Variants in SNX29 observed in about 807,000 individuals in gnomAD.
SNX29 encodes sorting nexin-29.
In SNX29, 78 loss-of-function variants were observed where a neutral mutation model predicts 102.1. That is an observed-to-expected ratio of 0.76 (90% CI 0.64 to 0.92). The LOEUF (loss-of-function observed/expected upper bound fraction) is 0.92, where lower values mean the gene tolerates loss of function less well. Among genes scored for constraint, SNX29 ranks in the 40% least tolerant of loss-of-function variants. The pLI is 0.00. For missense variants in SNX29, 1,280 were observed against 1,061.7 expected, an observed-to-expected ratio of 1.21 and a Z score of -2.86; for synonymous variants, 580 against 414.5, an observed-to-expected ratio of 1.40 and a Z score of -4.85.
chr16:12,388,340 A>G (rs765268071), intron 16 of SNX29, among the ~76,000 whole-genome samples: 8 of 152,224 alleles, frequency 5.3e-5, no homozygotes, highest in Non-Finnish European at 5.9e-5. Context: ...ATGAGTGGGT[A>G]CAAATAAATG....
intron 11 of SNX29, among the ~76,000 whole-genome samples, chr16:12,113,390 G>T (rs1406793045): frequency 1.3e-5 from 2 of 152,262 alleles, no homozygotes; most frequent in East Asian, 3.9e-4. Context: ...CATGGCTCCT[G>T]TGTTCTGTCT....
intron 14 of SNX29, among the ~76,000 whole-genome samples, chr16:12,234,866 G>A (rs114255568): frequency 0.019 from 2,852 of 152,222 alleles, 105 homozygotes; most frequent in African/African-American, 0.065. Flanking sequence ...TGGATGATGG[G>A]ATGATGACTT....
At chr16:12,161,881 C>T (rs2055799283) in intron 13 of SNX29, among the ~76,000 whole-genome samples, 3 of 152,188 alleles carry the variant, frequency 2.0e-5, no homozygotes, top group Non-Finnish European at 2.9e-5. Context: ...CTTACACAGT[C>T]TGCAGAACTG....
chr16:11,999,344 G>C lies in SNX29; in HGVS notation c.55G>C (p.Asp19His). 1 of 1,614,154 alleles carries C rather than the reference G, an allele frequency of 6.2e-7. No homozygotes were observed. The highest frequency in any genetic ancestry group is 8.5e-7 in the Non-Finnish European group (1 of 1,180,002). Reference protein sequence around the residue: ...KRQFLLERLLDAVKQCQIRFG... With the variant: ...KRQFLLERLLHAVKQCQIRFG... Reference sequence around the variant, plus strand: ...ACAATTTCTGCTGGAGCGACTGCTGGATGCAGTGAAACAGGTAAGCAGAAA... The same window carrying C: ...ACAATTTCTGCTGGAGCGACTGCTGCATGCAGTGAAACAGGTAAGCAGAAA... Residue 19 changes from aspartate to histidine, a missense_variant, in exon 2 of 21, where the codon GAT becomes CAT. Physicochemically the swap from Asp to His is moderately conservative, Grantham distance 81 (BLOSUM62 -1). Transcript: ENST00000566228.
rs1229746415 is a variant in SNX29 at position 12,573,108 on chromosome 16, C to T, written c.*4479C>T. 2 of 229,428 alleles carry T rather than the reference C, an allele frequency of 8.7e-6. No homozygotes were observed. The highest frequency in any genetic ancestry group is 4.4e-5 in the African/African-American group (2 of 45,082). The allele number at this position is 229,428 out of a possible 1,614,324, so 14.2% of individuals were successfully genotyped here. ...CAAGAAAGTTCATCTTTATGTTTTT[C>T]TAATACACAATCTTGATCTTGTTTC... On this transcript the variant is annotated 3_prime_UTR_variant, in exon 21 of 21. Transcript: ENST00000566228.
chr16:12,220,550 G>T (rs188260027), intron 14 of SNX29, among the ~76,000 whole-genome samples: 2 of 152,264 alleles, frequency 1.3e-5, no homozygotes, highest in Admixed American at 1.3e-4. Flanking sequence ...AATGACCTGA[G>T]CCAATTTGCA....
chr16:12,213,982 C>T (rs191007680), intron 14 of SNX29, among the ~76,000 whole-genome samples: 5 of 152,250 alleles, frequency 3.3e-5, no homozygotes, highest in African/African-American at 1.2e-4. Context: ...CCCATCAAGC[C>T]ACCCCTTTTT....
rs76866998 is a variant in SNX29 at position 12,395,855 on chromosome 16, G to C, written c.1900-2591G>C. 6.7e-4 allele frequency among the ~76,000 whole-genome samples: 102 copies of C among 152,318 alleles called. 2 individuals carry two copies. In the East Asian group the frequency reaches 0.018, roughly 26 times the overall value. On this transcript the variant is annotated intron_variant, in intron 16 of 20. Coordinates refer to ENST00000566228, the MANE Select transcript of SNX29 (RefSeq NM_032167.5). ...TGCTGTCAAGTCTAGCTAATATCTG[G>C]CTCCAGTCTTGAAAGACAGCAAGAA...
At chr16:12,440,387 C>T (rs1302421628) in intron 18 of SNX29, among the ~76,000 whole-genome samples, 1 of 152,198 alleles carries the variant, frequency 6.6e-6, no homozygotes, top group Non-Finnish European at 1.5e-5. Context: ...TCTCCATCAC[C>T]CCCACAACCC....
At chr16:12,526,675 G>T (rs1461176298) in intron 20 of SNX29, 4 of 507,164 alleles carry the variant, frequency 7.9e-6, no homozygotes, top group African/African-American at 3.8e-5. Flanking sequence ...ATCACGCATC[G>T]ACTGAATTCC....
At chr16:12,279,759 T>A (rs925094508) in intron 15 of SNX29, among the ~76,000 whole-genome samples, 1 of 152,228 alleles carries the variant, frequency 6.6e-6, no homozygotes, top group Non-Finnish European at 1.5e-5. Context: ...AACCCTTGAA[T>A]TTTTAAGTTC....
At chr16:12,401,371 T>TG (rs1325803022) in intron 17 of SNX29, among the ~76,000 whole-genome samples, 1 of 146,218 alleles carries the variant, frequency 6.8e-6, no homozygotes, top group African/African-American at 2.5e-5. Flanking sequence ...TTTTTTTTTT[T>TG]TTTTTTTTTT....
chr16:12,131,275 G>T (rs374200925), intron 13 of SNX29, among the ~76,000 whole-genome samples: 9 of 152,172 alleles, frequency 5.9e-5, no homozygotes, highest in South Asian at 4.1e-4. Context: ...TTATTTAAAA[G>T]CCATTTTATT....
intron 14 of SNX29, among the ~76,000 whole-genome samples, chr16:12,222,123 G>T (rs1461103611): frequency 6.6e-6 from 1 of 152,240 alleles, no homozygotes; most frequent in African/African-American, 2.4e-5. Flanking sequence ...ACATAGGTAG[G>T]TGCTATTACG....
chr16:12,278,719 C>G (rs192374191), intron 15 of SNX29, among the ~76,000 whole-genome samples: 1 of 152,202 alleles, frequency 6.6e-6, no homozygotes, highest in Non-Finnish European at 1.5e-5. Context: ...AGAAAACTAT[C>G]AAATAGAATC....
chr16:12,519,629 G>A (rs1006488410), intron 19 of SNX29, among the ~76,000 whole-genome samples: 1 of 152,218 alleles, frequency 6.6e-6, no homozygotes, highest in Non-Finnish European at 1.5e-5. Context: ...ATATGGAAAA[G>A]AGTTAAGACT....
At chr16:12,465,738 G>A (rs894806801) in intron 18 of SNX29, among the ~76,000 whole-genome samples, 2 of 151,876 alleles carry the variant, frequency 1.3e-5, no homozygotes, top group South Asian at 2.1e-4. Flanking sequence ...TATGTGAAAT[G>A]TCATTGGAAT....
In SNX29 at chr16:12,351,848, C is replaced by G. The variant is rs562059799; in HGVS notation, c.1783-4315C>G. Among the ~76,000 whole-genome samples the G allele has an allele frequency of 2.7e-3, 410 of 152,236 alleles. 1 individual carries two copies. The highest frequency in any genetic ancestry group is 4.6e-3 in the Non-Finnish European group (315 of 68,020). ...AGGCATCATCTTGCTGGGCAACACACTGATTGGTTATGACTGCCTAGGTAT... is the reference window on the plus strand; with the variant it reads ...AGGCATCATCTTGCTGGGCAACACAGTGATTGGTTATGACTGCCTAGGTAT... On this transcript the variant is annotated intron_variant, in intron 15 of 20. Transcript: ENST00000566228.
At chr16:12,321,938 C>A (rs550915725) in intron 15 of SNX29, among the ~76,000 whole-genome samples, 1 of 152,090 alleles carries the variant, frequency 6.6e-6, no homozygotes, top group Non-Finnish European at 1.5e-5. Flanking sequence ...AGTTAGGGCC[C>A]CGATTCTGGC....
Sources: gnomAD v4.1 joint callset for allele counts (sites outside exome capture counted in the v4.1 genomes callset) on GRCh38, gnomAD v4.1.1 for gene constraint, MANE v1.5 for transcripts, NCBI Gene and HGNC (gene_info 2026-07-23, HGNC 2026-07-21) for gene names.